Variants in RIN2 observed in about 807,000 individuals in gnomAD.
The protein encoded by RIN2 is RAB5 interacting protein 2.
RIN2 carries 36 observed loss-of-function variants against 78.0 expected under a neutral mutation model. That is an observed-to-expected ratio of 0.46 (90% CI 0.35 to 0.61). The LOEUF (loss-of-function observed/expected upper bound fraction) is 0.61. RIN2 is among the 20% of genes least tolerant of loss of function. The pLI, the probability that RIN2 is intolerant of heterozygous loss-of-function variation, is 0.00. For synonymous variants in RIN2, 466 were observed against 466.8 expected (o/e 1.00, Z 0.02); for missense variants, 1,087 against 1,159.7 (o/e 0.94, Z 0.91).
chr20:19,944,795 T>C (rs552142915), intron 4 of RIN2, among the ~76,000 whole-genome samples: 10 of 152,134 alleles, frequency 6.6e-5, no homozygotes, highest in African/African-American at 2.2e-4. Flanking sequence ...TTCCAGGACC[T>C]GCTGGAAGCT....
chr20:19,879,459 CTG>C (rs1339025149), intron 2 of RIN2, among the ~76,000 whole-genome samples: 2 of 152,220 alleles, frequency 1.3e-5, no homozygotes, highest in African/African-American at 4.8e-5. Flanking sequence ...ATATTAGACA[CTG>C]TGCTTCCGCT....
At chr20:19,887,904 G>T (rs371232658) in intron 2 of RIN2, among the ~76,000 whole-genome samples, 2 of 152,164 alleles carry the variant, frequency 1.3e-5, no homozygotes, top group Non-Finnish European at 2.9e-5. Flanking sequence ...GTGCTTCTGG[G>T]TCTAAACAGG....
intron 2 of RIN2, among the ~76,000 whole-genome samples, chr20:19,827,498 C>T (rs533721140): frequency 6.6e-6 from 1 of 152,292 alleles, no homozygotes; most frequent in South Asian, 2.1e-4. Flanking sequence ...GTTTTTGAAG[C>T]CAAGGACCAA....
intron 2 of RIN2, among the ~76,000 whole-genome samples, chr20:19,828,125 A>T (rs1007143808): frequency 3.9e-5 from 6 of 152,108 alleles, no homozygotes; most frequent in Non-Finnish European, 8.8e-5. Context: ...AGAACTTCCC[A>T]TTCTGTTTGA....
At chr20:19,877,283 G>A (rs2037887865) in intron 2 of RIN2, among the ~76,000 whole-genome samples, 1 of 152,132 alleles carries the variant, frequency 6.6e-6, no homozygotes, top group Admixed American at 6.5e-5. Flanking sequence ...TGATTGCAGA[G>A]GGTTCATAAC....
chr20:19,996,353 A>G (rs1325021599), intron 11 of RIN2, among the ~76,000 whole-genome samples: 2 of 152,128 alleles, frequency 1.3e-5, no homozygotes, highest in East Asian at 3.9e-4. Flanking sequence ...CAAAAAAAAC[A>G]CTTTAGTGGC....
chr20:19,979,817 T>G (rs1333310365), intron 9 of RIN2, among the ~76,000 whole-genome samples: 1 of 151,718 alleles, frequency 6.6e-6, no homozygotes, highest in African/African-American at 2.4e-5. Flanking sequence ...CCGAGGTGGG[T>G]GGATCACCTG....
chr20:19,916,682 G>A (rs2039698386), intron 3 of RIN2, among the ~76,000 whole-genome samples: 1 of 152,210 alleles, frequency 6.6e-6, no homozygotes, highest in South Asian at 2.1e-4. Flanking sequence ...CAGTAGGTTT[G>A]GGGAACCCCG....
chr20:19,762,866 C>T (rs924136247), intron 1 of RIN2, among the ~76,000 whole-genome samples: 2 of 152,038 alleles, frequency 1.3e-5, no homozygotes, highest in Admixed American at 6.5e-5. Context: ...CGGAGTCAAG[C>T]GATTCTCCTG....
intron 1 of RIN2, among the ~76,000 whole-genome samples, chr20:19,781,213 A>G (rs934772186): frequency 6.6e-6 from 1 of 152,178 alleles, no homozygotes; most frequent in Non-Finnish European, 1.5e-5. Context: ...ACTGGCCCAA[A>G]CTCAGTCACA....
At chr20:19,932,548 A>G (rs1234140856) in intron 3 of RIN2, among the ~76,000 whole-genome samples, 2 of 152,120 alleles carry the variant, frequency 1.3e-5, no homozygotes, top group East Asian at 1.9e-4. Flanking sequence ...TGCTTCTGGA[A>G]GCTCCCCCTC....
chr20:19,915,740 T>C (rs984707175), intron 3 of RIN2, among the ~76,000 whole-genome samples: 4 of 152,210 alleles, frequency 2.6e-5, no homozygotes, highest in African/African-American at 9.6e-5. Context: ...CCAAATTCCC[T>C]TTTCATACCC....
intron 9 of RIN2, among the ~76,000 whole-genome samples, chr20:19,978,149 A>C (rs942876419): frequency 1.3e-5 from 2 of 152,028 alleles, no homozygotes; most frequent in African/African-American, 4.8e-5. Flanking sequence ...AAACTGGTCT[A>C]TGTCTGCTTT....
intron 2 of RIN2, among the ~76,000 whole-genome samples, chr20:19,877,987 T>A (rs2037909630): frequency 6.6e-6 from 1 of 152,148 alleles, no homozygotes; most frequent in Non-Finnish European, 1.5e-5. Context: ...GCCAGTGCAT[T>A]CTAGTCTGGG....
intron 1 of RIN2, among the ~76,000 whole-genome samples, chr20:19,767,722 C>A (rs1404282930): frequency 6.6e-6 from 1 of 151,830 alleles, no homozygotes; most frequent in Admixed American, 6.6e-5. Context: ...GTCAGGAGTT[C>A]GAGACCAGCC....
intron 6 of RIN2, among the ~76,000 whole-genome samples, chr20:19,964,576 A>G (rs1286803325): frequency 1.3e-5 from 2 of 152,050 alleles, no homozygotes; most frequent in African/African-American, 4.8e-5. Context: ...CAAGGGATCG[A>G]GGGGAGTAGG....
At chr20:19,760,847 A>G (rs2224326) in intron 1 of RIN2, among the ~76,000 whole-genome samples, 105,434 of 152,044 alleles carry the variant, frequency 0.69, 37,574 homozygotes, top group East Asian at 0.79. Flanking sequence ...TCCTTTCCCC[A>G]GTAAGACACC....
At chr20:19,978,180 A>G (rs912072941) in intron 9 of RIN2, among the ~76,000 whole-genome samples, 1 of 152,196 alleles carries the variant, frequency 6.6e-6, no homozygotes, top group East Asian at 1.9e-4. Flanking sequence ...ATCTAGTTCT[A>G]TCCTCATTTC....
At chr20:19,901,682 G>T (rs969059470) in intron 3 of RIN2, among the ~76,000 whole-genome samples, 1 of 152,156 alleles carries the variant, frequency 6.6e-6, no homozygotes, top group African/African-American at 2.4e-5. Context: ...GCACAGCCCA[G>T]CCTTCTTCCT....
Sources: gnomAD v4.1 joint callset for allele counts (sites outside exome capture counted in the v4.1 genomes callset) on GRCh38, gnomAD v4.1.1 for gene constraint, MANE v1.5 for transcripts, NCBI Gene and HGNC (gene_info 2026-07-23, HGNC 2026-07-21) for gene names.